The following KCNIP4 variants were observed in gnomAD, a reference collection of about 807,000 sequenced individuals.
KCNIP4 encodes potassium voltage-gated channel interacting protein 4, also known as Kv channel-interacting protein 4.
A neutral mutation model predicts 34.0 loss-of-function variants in KCNIP4; 12 were observed. The ratio of observed to expected loss-of-function variants is 0.35; its 90% confidence interval spans 0.23 to 0.57. The LOEUF (loss-of-function observed/expected upper bound fraction) is 0.57. KCNIP4 is among the 20% of genes least tolerant of loss of function. The probability of loss-of-function intolerance (pLI) is 0.83; values close to 1 mark genes in which losing one functional copy is unlikely to be tolerated. For synonymous variants in KCNIP4, 124 were observed against 102.2 expected (o/e 1.21, Z -1.29); for missense variants, 238 against 311.7 (o/e 0.76, Z 1.78).
intron 1 of KCNIP4, among the ~76,000 whole-genome samples, chr4:21,065,801 C>A (rs1744329962): frequency 7.3e-6 from 1 of 137,802 alleles, no homozygotes; most frequent in Admixed American, 7.6e-5. Context: ...TAAAAGCAAA[C>A]ATCACATGAA....
chr4:21,364,093 T>C (rs1345788513), intron 1 of KCNIP4, among the ~76,000 whole-genome samples: 1 of 152,142 alleles, frequency 6.6e-6, no homozygotes, highest in Non-Finnish European at 1.5e-5. Context: ...TGATCCCTCT[T>C]TTACAATTCT....
chr4:21,027,308 G>C (rs1300416861), intron 1 of KCNIP4, among the ~76,000 whole-genome samples: 1 of 152,114 alleles, frequency 6.6e-6, no homozygotes, highest in Non-Finnish European at 1.5e-5. Flanking sequence ...CAGCAGAGTA[G>C]AGTGGTTGGA....
chr4:21,446,632 G>T (rs1728019827), intron 1 of KCNIP4, among the ~76,000 whole-genome samples: 2 of 117,522 alleles, frequency 1.7e-5, no homozygotes, highest in African/African-American at 3.2e-5. Context: ...TTGTGGGGTG[G>T]GGGGAGGGGG....
At chr4:21,084,332 T>C (rs28729500) in intron 1 of KCNIP4, among the ~76,000 whole-genome samples, 3,652 of 151,922 alleles carry the variant, frequency 0.024, 143 homozygotes, top group African/African-American at 0.082. Context: ...CAAAGGTGAA[T>C]TGATACAAAC....
chr4:21,760,574 G>A (rs528857321), intron 1 of KCNIP4, among the ~76,000 whole-genome samples: 234 of 152,138 alleles, frequency 1.5e-3, no homozygotes, highest in Non-Finnish European at 2.9e-3. Flanking sequence ...GCAGAATTCG[G>A]AACCCCAGGG....
chr4:21,756,861 C>T (rs1360275769), intron 1 of KCNIP4, among the ~76,000 whole-genome samples: 11 of 151,882 alleles, frequency 7.2e-5, no homozygotes, highest in African/African-American at 2.7e-4. Flanking sequence ...CTTTGGGAAG[C>T]TGAGGTAGGC....
intron 1 of KCNIP4, among the ~76,000 whole-genome samples, chr4:21,218,922 A>C (rs1757801260): frequency 6.6e-6 from 1 of 152,144 alleles, no homozygotes; most frequent in Admixed American, 6.6e-5. Context: ...CCAAATTGGG[A>C]GTTCAAATTC....
intron 1 of KCNIP4, among the ~76,000 whole-genome samples, chr4:21,919,701 G>T (rs1054427011): frequency 6.6e-6 from 1 of 152,172 alleles, no homozygotes; most frequent in African/African-American, 2.4e-5. Context: ...GTAGCCAAAG[G>T]AGACCTAAGG....
rs975289052 is a variant in KCNIP4 at position 21,605,856 on chromosome 4, C to T, written c.61+342715G>A. Among the ~76,000 whole-genome samples, 10 of 152,080 alleles carry T rather than the reference C, an allele frequency of 6.6e-5. No homozygotes were observed. The East Asian group carries it at 7.7e-4, about 12-fold the overall frequency. ...AAGATAGTTAACCATTCCCTGACCA[C>T]CATCAAAAAAATGGGGTGGGAGGAG... On this transcript the variant is annotated intron_variant, in intron 1 of 8. Coordinates refer to ENST00000382152, the MANE Select transcript of KCNIP4 (RefSeq NM_025221.6).
In KCNIP4 at chr4:20,729,069, C is replaced by T. The variant is rs938609114; in HGVS notation, c.*1013G>A. On this transcript the variant is annotated 3_prime_UTR_variant, in exon 9 of 9. Coordinates refer to ENST00000382152, the MANE Select transcript of KCNIP4 (RefSeq NM_025221.6). ...AAGTGAATTTTGCTTGCTAATTTTG[C>T]TTGCTGTTTGTTCTTAGTAGACAGT... 6.6e-6 allele frequency: 1 copy of T among 151,988 alleles called. No homozygotes were observed. The highest frequency in any genetic ancestry group is 1.5e-5 in the Non-Finnish European group (1 of 67,984). 9.4% of individuals were successfully genotyped at this position (151,988 alleles called of 1,614,324 possible).
intron 1 of KCNIP4, among the ~76,000 whole-genome samples, chr4:21,929,421 T>C (rs1174902716): frequency 6.6e-6 from 1 of 152,136 alleles, no homozygotes; most frequent in Non-Finnish European, 1.5e-5. Context: ...TCAGTATTTT[T>C]ATAAGTAGTT....
chr4:21,826,696 T>A (rs1722696322), intron 1 of KCNIP4, among the ~76,000 whole-genome samples: 1 of 152,058 alleles, frequency 6.6e-6, no homozygotes, highest in South Asian at 2.1e-4. Flanking sequence ...GTCCAATTAC[T>A]CTCCTAAAAC....
At position 21,184,363 on chromosome 4, in the gene KCNIP4, C is replaced by A. The variant is rs546600550; in HGVS notation, c.62-301654G>T. On this transcript the variant is annotated intron_variant, in intron 1 of 8. Coordinates refer to ENST00000382152, the MANE Select transcript of KCNIP4 (RefSeq NM_025221.6). The stretch of plus-strand genomic sequence containing the variant: ...AGCCCTCTAGTTCAAATGCTGAATT[C>A]TCTAGCATCTAGCATAGTGTTTTGC... Among the ~76,000 whole-genome samples, 10 of 152,238 alleles carry A rather than the reference C, an allele frequency of 6.6e-5. No individual in the cohort carries two copies. The South Asian group carries it at 2.1e-3, about 32-fold the overall frequency.
chr4:21,752,296 G>A (rs992125617), intron 1 of KCNIP4, among the ~76,000 whole-genome samples: 40 of 152,194 alleles, frequency 2.6e-4, no homozygotes, highest in Admixed American at 1.8e-3. Context: ...TGAGGGGGGC[G>A]CCTCAGGAAA....
intron 1 of KCNIP4, among the ~76,000 whole-genome samples, chr4:21,686,196 C>T (rs1432202356): frequency 6.6e-6 from 1 of 152,142 alleles, no homozygotes; most frequent in African/African-American, 2.4e-5. Flanking sequence ...AAATAAAAAT[C>T]TTCCCATTGT....
chr4:20,765,193 G>T lies in KCNIP4; in HGVS notation c.289-6303C>A, dbSNP rs190043369. On this transcript the variant is annotated intron_variant, in intron 3 of 8. Coordinates refer to ENST00000382152, the MANE Select transcript of KCNIP4 (RefSeq NM_025221.6). ...ATTCCATTTCTTTTTTGCTCTTGTGGAATATAACATTTAGTGGAATCAGAC... is the reference window on the plus strand; with the variant it reads ...ATTCCATTTCTTTTTTGCTCTTGTGTAATATAACATTTAGTGGAATCAGAC... Among the ~76,000 whole-genome samples the T allele has an allele frequency of 9.2e-4, 140 of 152,218 alleles. No individual in the cohort carries two copies. The Middle Eastern group carries it at 0.01, about 11-fold the overall frequency.
At chr4:21,703,910 A>T (rs1192529656) in intron 1 of KCNIP4, among the ~76,000 whole-genome samples, 1 of 152,224 alleles carries the variant, frequency 6.6e-6, no homozygotes, top group Non-Finnish European at 1.5e-5. Context: ...GAAATCAGGT[A>T]GAATGACTTT....
At chr4:21,084,254 G>A (rs368006767) in intron 1 of KCNIP4, among the ~76,000 whole-genome samples, 1 of 150,094 alleles carries the variant, frequency 6.7e-6, no homozygotes, top group African/African-American at 2.5e-5. Flanking sequence ...AAAAGAAAAT[G>A]TAGGTGAGCC....
chr4:20,906,446 C>A (rs1216593801), intron 1 of KCNIP4, among the ~76,000 whole-genome samples: 1 of 152,164 alleles, frequency 6.6e-6, no homozygotes, highest in Non-Finnish European at 1.5e-5. Context: ...CGAAAAAGCC[C>A]ACAGTCCTTC....
Sources: gnomAD v4.1 joint callset for allele counts (sites outside exome capture counted in the v4.1 genomes callset) on GRCh38, gnomAD v4.1.1 for gene constraint, MANE v1.5 for transcripts, NCBI Gene and HGNC (gene_info 2026-07-23, HGNC 2026-07-21) for gene names.